The following CAMK2D variants were observed in gnomAD, a reference collection of about 807,000 sequenced individuals.
The protein encoded by CAMK2D is calcium/calmodulin-dependent protein kinase type II subunit delta.
A neutral mutation model predicts 84.0 loss-of-function variants in CAMK2D; 37 were observed. The ratio of observed to expected loss-of-function variants is 0.44; its 90% CI spans 0.34 to 0.58. The LOEUF (loss-of-function observed/expected upper bound fraction) is 0.58. Ranked by LOEUF, CAMK2D falls within the 20% of genes least tolerant of loss-of-function variation. The pLI, the probability that CAMK2D is intolerant of heterozygous loss-of-function variation, is 0.02. For synonymous variants in CAMK2D, 202 were observed against 212.5 expected (o/e 0.95, Z 0.43); for missense variants, 448 against 652.5 (o/e 0.69, Z 3.41).
intron 16 of CAMK2D, among the ~76,000 whole-genome samples, chr4:113,470,561 C>A (rs1330409142): frequency 6.6e-6 from 1 of 151,802 alleles, no homozygotes; most frequent in East Asian, 1.9e-4. Flanking sequence ...TCACTTGAAC[C>A]CGGTAGGTGG....
At chr4:113,630,210 T>C (rs547696756) in intron 3 of CAMK2D, among the ~76,000 whole-genome samples, 1 of 152,232 alleles carries the variant, frequency 6.6e-6, no homozygotes, top group Non-Finnish European at 1.5e-5. Flanking sequence ...TAAAATAGAA[T>C]AGTTTTTAAA....
Position 113,569,138 on chromosome 4 carries a change from C to T in CAMK2D, c.276-17042G>A, listed in dbSNP as rs921062926. Among the ~76,000 whole-genome samples the T allele has an allele frequency of 3.6e-4, 55 of 152,154 alleles. 3 individuals are homozygous for T. Among genetic ancestry groups the T allele is most frequent in the Non-Finnish European group, 2.9e-5 (2 of 68,024 alleles). On this transcript the variant is annotated intron_variant, in intron 4 of 20. Coordinates refer to ENST00000511664, the MANE Select transcript of CAMK2D (RefSeq NM_001321571.2). ...CCTCAAGTGATTCTCCCACCTCTGC[C>T]TCCCAAAGTGCTGTGATTAGAGGCC... is the stretch of plus-strand genomic sequence containing the variant.
chr4:113,560,353 C>T lies in CAMK2D; in HGVS notation c.276-8257G>A, dbSNP rs138787276. On this transcript the variant is annotated intron_variant, in intron 4 of 20. Transcript: ENST00000511664. ...CAACTTTATTCATAATATGTGTGAG[C>T]TTTGCCCATGCTAATGGACAAGAAT... Among the ~76,000 whole-genome samples the T allele has an allele frequency of 3.3e-5, 5 of 152,136 alleles. No individual in the cohort carries two copies. The East Asian group carries it at 9.7e-4, about 29-fold the overall frequency.
intron 16 of CAMK2D, among the ~76,000 whole-genome samples, chr4:113,472,307 G>A (rs886989550): frequency 6.6e-6 from 1 of 152,156 alleles, no homozygotes; most frequent in Non-Finnish European, 1.5e-5. Context: ...ATAAATGCAA[G>A]TATGTAGACA....
At chr4:113,731,826 C>T (rs971684101) in intron 2 of CAMK2D, among the ~76,000 whole-genome samples, 28 of 152,030 alleles carry the variant, frequency 1.8e-4, no homozygotes, top group Non-Finnish European at 3.7e-4. Context: ...CCTCATGATC[C>T]GCCTGCCTCG....
intron 15 of CAMK2D, 150 bp from the exon 16 acceptor site, chr4:113,500,661 G>GT: frequency 1.9e-6 from 1 of 521,698 alleles, no homozygotes; most frequent in East Asian, 3.1e-5. Context: ...ACATTAAGTG[G>GT]TTTTTAACAG....
At chr4:113,614,596 T>C (rs116169025) in intron 3 of CAMK2D, among the ~76,000 whole-genome samples, 3 of 152,270 alleles carry the variant, frequency 2.0e-5, no homozygotes, top group East Asian at 3.9e-4. Flanking sequence ...TGACATTCTA[T>C]TACTAGCAGA....
chr4:113,462,030 A>C (rs2097382408), intron 17 of CAMK2D, among the ~76,000 whole-genome samples: 1 of 152,234 alleles, frequency 6.6e-6, no homozygotes, highest in Non-Finnish European at 1.5e-5. Flanking sequence ...TAAGCTTAAA[A>C]TCAAATATAT....
chr4:113,633,323 C>G (rs1346476082), intron 3 of CAMK2D, among the ~76,000 whole-genome samples: 1 of 152,114 alleles, frequency 6.6e-6, no homozygotes, highest in African/African-American at 2.4e-5. Flanking sequence ...ATGGAGTTAC[C>G]ACAATTCCTT....
intron 2 of CAMK2D, among the ~76,000 whole-genome samples, chr4:113,749,262 C>T (rs1055251644): frequency 3.6e-5 from 5 of 140,386 alleles, no homozygotes; most frequent in African/African-American, 1.3e-4. Flanking sequence ...GGAACCCCGC[C>T]CCCCCCACCC....
In CAMK2D at chr4:113,582,757, C is replaced by T. The variant is rs181207905; in HGVS notation, c.275+26395G>A. 1.2e-3 allele frequency among the ~76,000 whole-genome samples: 183 copies of T among 152,282 alleles called. 2 individuals carry two copies. The highest frequency in any genetic ancestry group is 4.3e-3 in the African/African-American group (177 of 41,554). On this transcript the variant is annotated intron_variant, in intron 4 of 20. Transcript: ENST00000511664. ...ATGAAACATGTAATGTATAAGGGCT[C>T]AGGTGAAGCATCTCTGTACAGTATA...
At position 113,599,521 on chromosome 4, in the gene CAMK2D, G is replaced by A. The variant is rs575109427; in HGVS notation, c.275+9631C>T. On this transcript the variant is annotated intron_variant, in intron 4 of 20. Coordinates refer to ENST00000511664, the MANE Select transcript of CAMK2D (RefSeq NM_001321571.2). ...ACGACAAAAGGAAATAAGCTATAAG[G>A]CCATAAAAAATAAATAGAAGAAATC... Among the ~76,000 whole-genome samples the A allele has an allele frequency of 7.2e-5, 11 of 152,186 alleles. No homozygotes were observed. In the South Asian group the frequency reaches 2.3e-3, roughly 32 times the overall value.
chr4:113,525,582 G>A (rs753115711), intron 8 of CAMK2D, among the ~76,000 whole-genome samples: 11 of 152,110 alleles, frequency 7.2e-5, no homozygotes, highest in African/African-American at 2.2e-4. Flanking sequence ...CTCTGTGTGC[G>A]ATCACAAAAG....
chr4:113,585,880 A>T (rs928701864), intron 4 of CAMK2D, among the ~76,000 whole-genome samples: 4 of 152,190 alleles, frequency 2.6e-5, no homozygotes, highest in Non-Finnish European at 2.9e-5. Flanking sequence ...TGTGTTTAAG[A>T]AAAGAGCTTT....
intron 3 of CAMK2D, among the ~76,000 whole-genome samples, chr4:113,621,628 A>C (rs898051509): frequency 6.6e-6 from 1 of 152,234 alleles, no homozygotes; most frequent in Non-Finnish European, 1.5e-5. Flanking sequence ...CAGTATTATA[A>C]GAAATAAGGT....
At chr4:113,616,317 C>G (rs1323133026) in intron 3 of CAMK2D, among the ~76,000 whole-genome samples, 2 of 152,114 alleles carry the variant, frequency 1.3e-5, no homozygotes, top group Non-Finnish European at 2.9e-5. Flanking sequence ...TCCTGAAGGT[C>G]AAAGCATATC....
chr4:113,709,745 C>CTATATATATATATATATATATATA (rs1554070590), intron 2 of CAMK2D, among the ~76,000 whole-genome samples: 7 of 24,636 alleles, frequency 2.8e-4, no homozygotes, highest in African/African-American at 1.7e-3. Context: ...AAGCCGTGAA[C>CTATATATATATATATATATATATA]GATATATATA....
At chr4:113,494,769 C>T (rs2154143420) in intron 16 of CAMK2D, among the ~76,000 whole-genome samples, 1 of 152,296 alleles carries the variant, frequency 6.6e-6, no homozygotes, top group Non-Finnish European at 1.5e-5. Context: ...TGATCTCAGA[C>T]TGCTGTGCTA....
intron 7 of CAMK2D, among the ~76,000 whole-genome samples, chr4:113,531,553 C>T (rs961410788): frequency 4.6e-5 from 7 of 152,110 alleles, no homozygotes; most frequent in Non-Finnish European, 5.9e-5. Context: ...TACTATGCTG[C>T]AAAGTCACTG....
Sources: allele counts gnomAD v4.1 joint callset (sites outside exome capture counted in the v4.1 genomes callset), GRCh38; gene constraint gnomAD v4.1.1; transcripts MANE v1.5; gene names NCBI Gene and HGNC (gene_info 2026-07-23, HGNC 2026-07-21).